Variants in TRERF1 observed in about 807,000 individuals in gnomAD.
The protein encoded by TRERF1 is transcriptional-regulating factor 1.
A neutral mutation model predicts 122.9 loss-of-function variants in TRERF1; 27 were observed. That is an observed-to-expected ratio of 0.22 (90% CI 0.16 to 0.30). The LOEUF is 0.30. Among genes scored for constraint, TRERF1 ranks in the 10% least tolerant of loss-of-function variants. TRERF1 has a pLI of 1.00. For missense variants in TRERF1, 1,248 were observed against 1,560.3 expected (o/e 0.80, Z 3.37); for synonymous variants, 636 against 641.7 (o/e 0.99, Z 0.13).
At chr6:42,289,065 T>C (rs1157634980) in intron 4 of TRERF1, among the ~76,000 whole-genome samples, 1 of 151,992 alleles carries the variant, frequency 6.6e-6, no homozygotes, top group East Asian at 1.9e-4. Context: ...GGCTCATGCC[T>C]GTAATCCCAG....
At chr6:42,313,339 G>A (rs1223038565) in intron 3 of TRERF1, among the ~76,000 whole-genome samples, 1 of 152,082 alleles carries the variant, frequency 6.6e-6, no homozygotes, top group Non-Finnish European at 1.5e-5. Context: ...AAAAAAGCAG[G>A]GCAGGAAGCA....
intron 3 of TRERF1, among the ~76,000 whole-genome samples, chr6:42,355,047 A>G (rs1183017392): frequency 6.6e-6 from 1 of 152,176 alleles, no homozygotes; most frequent in Non-Finnish European, 1.5e-5. Flanking sequence ...CAACTAAGCA[A>G]TCTGTAGTTA....
intron 13 of TRERF1, among the ~76,000 whole-genome samples, chr6:42,251,111 T>G (rs1357973574): frequency 1.3e-5 from 2 of 150,168 alleles, no homozygotes; most frequent in African/African-American, 4.9e-5. Flanking sequence ...ACTCTCTTGC[T>G]CATCCACCCA....
At chr6:42,256,602 C>A in intron 12 of TRERF1, 126 bp downstream of exon 12, 1 of 717,380 alleles carries the variant, frequency 1.4e-6, no homozygotes, top group Non-Finnish European at 2.4e-6. Flanking sequence ...AATAGGGAGG[C>A]GTGCTGATTG....
chr6:42,340,916 T>C (rs951701342), intron 3 of TRERF1, among the ~76,000 whole-genome samples: 2 of 152,226 alleles, frequency 1.3e-5, no homozygotes, highest in African/African-American at 4.8e-5. Flanking sequence ...TAAGGGGTGA[T>C]CTTCATGCCT....
At position 42,269,926 on chromosome 6, in the gene TRERF1, A is replaced by C; in HGVS notation, c.-258-78T>G. The C allele has an allele frequency of 3.8e-6, 1 of 265,096 alleles. No individual in the cohort carries two copies. The highest frequency in any genetic ancestry group is 6.9e-6 in the Non-Finnish European group (1 of 144,272). 16.4% of individuals were successfully genotyped at this position (265,096 alleles called of 1,614,324 possible). ...TGAGCAATTGATATCCACCATGACC[A>C]GTGATAAAAATAAACATATAATCCC... On this transcript the variant is annotated intron_variant, in intron 4 of 17. Coordinates refer to ENST00000372922, the Ensembl canonical transcript of TRERF1. This position sits in a 1 kb window ranked among gnomAD's most constrained non-coding sequence, Gnocchi z 4.9.
chr6:42,268,701 G>A lies in TRERF1; in HGVS notation c.890C>T (p.Pro297Leu), dbSNP rs1561871720. 2 of 1,614,148 alleles carry A rather than the reference G, an allele frequency of 1.2e-6. No individual in the cohort carries two copies. The highest frequency in any genetic ancestry group is 2.2e-5 in the East Asian group (1 of 44,880). The change falls in exon 5 of 18, where the codon CCA becomes CTA. Residue 297 changes from proline (P) to leucine (L), a missense_variant. By Grantham distance (98) the Pro-to-Leu change is moderately conservative. Transcript: ENST00000372922. The surrounding 1 kb of genome is among the most constrained non-coding windows in gnomAD (Gnocchi z 4.4). ...CTGTGGCGGCGGCTGTGGCTGTGATGGGCGAATTTGTTGCGGCTGCGTCTG... is the reference window on the plus strand; with the variant it reads ...CTGTGGCGGCGGCTGTGGCTGTGATAGGCGAATTTGTTGCGGCTGCGTCTG...
rs545162177 is a variant in TRERF1 at position 42,355,297 on chromosome 6, G to T, written c.-371+7700C>A. The stretch of plus-strand genomic sequence containing the variant: ...TTAAAAACTGATTGAATACACTTTT[G>T]GAATTAATGAGGTTATTACATATCT... On this transcript the variant is annotated intron_variant, in intron 3 of 17. Transcript: ENST00000372922. 2.0e-5 allele frequency among the ~76,000 whole-genome samples: 3 copies of T among 152,108 alleles called. No individual in the cohort carries two copies. In the South Asian group the frequency reaches 6.2e-4, roughly 32 times the overall value.
chr6:42,260,837 C>G (rs764054776), intron 8 of TRERF1, among the ~76,000 whole-genome samples: 2 of 152,160 alleles, frequency 1.3e-5, no homozygotes, highest in Non-Finnish European at 2.9e-5. Context: ...CTCCTCTGCT[C>G]TGGGCTCCTC....
chr6:42,292,033 C>T (rs573842465), intron 4 of TRERF1, among the ~76,000 whole-genome samples: 8 of 152,240 alleles, frequency 5.3e-5, no homozygotes, highest in African/African-American at 1.9e-4. Flanking sequence ...CGCTTTTGAG[C>T]CTCAATTTTG....
chr6:42,272,638 A>G (rs2149945291), intron 4 of TRERF1, among the ~76,000 whole-genome samples: 1 of 152,336 alleles, frequency 6.6e-6, no homozygotes, highest in East Asian at 1.9e-4. Flanking sequence ...CAGGTGAGGC[A>G]TAATTAAGAC....
intron 3 of TRERF1, among the ~76,000 whole-genome samples, chr6:42,302,288 C>T (rs1201501245): frequency 1.3e-5 from 2 of 151,520 alleles, no homozygotes; most frequent in African/African-American, 4.9e-5. Context: ...CAGCTAGCTC[C>T]AAAAAAAACC....
At chr6:42,283,692 C>T (rs1358688488) in intron 4 of TRERF1, among the ~76,000 whole-genome samples, 2 of 149,854 alleles carry the variant, frequency 1.3e-5, no homozygotes, top group Non-Finnish European at 3.0e-5. Flanking sequence ...TCTCGGCTCA[C>T]CACAACCTCC....
intron 13 of TRERF1, among the ~76,000 whole-genome samples, chr6:42,249,669 T>A (rs1775414454): frequency 6.6e-6 from 1 of 152,170 alleles, no homozygotes; most frequent in Non-Finnish European, 1.5e-5. Context: ...TCCCTGCCCC[T>A]CTATGTCACT....
chr6:42,235,917 A>G (rs1772055105), intron 16 of TRERF1, among the ~76,000 whole-genome samples: 1 of 152,200 alleles, frequency 6.6e-6, no homozygotes, highest in South Asian at 2.1e-4. Context: ...GAAATGTGGA[A>G]TGTATGTTTT....
chr6:42,257,379 C>T (rs538971173), intron 10 of TRERF1, among the ~76,000 whole-genome samples: 143 of 152,246 alleles, frequency 9.4e-4, no homozygotes, highest in South Asian at 2.7e-3. Flanking sequence ...TGATTATTTC[C>T]AACATAACAG....
chr6:42,376,435 G>A (rs1314335741), intron 2 of TRERF1, among the ~76,000 whole-genome samples: 6 of 152,010 alleles, frequency 3.9e-5, no homozygotes, highest in Admixed American at 3.9e-4. Context: ...AGAGGGAGAT[G>A]CACATGGAAG....
intron 15 of TRERF1, among the ~76,000 whole-genome samples, chr6:42,239,862 G>T (rs971445339): frequency 2.0e-5 from 3 of 148,524 alleles, no homozygotes; most frequent in Admixed American, 6.7e-5. Context: ...AGATTTTCTT[G>T]TTTTTTTTTT....
At chr6:42,327,278 T>A (rs1490380509) in intron 3 of TRERF1, among the ~76,000 whole-genome samples, 1 of 152,226 alleles carries the variant, frequency 6.6e-6, no homozygotes, top group Non-Finnish European at 1.5e-5. Context: ...GTTTCACCCA[T>A]ATATCTCACA....
Sources: gnomAD v4.1 joint callset for allele counts (sites outside exome capture counted in the v4.1 genomes callset) on GRCh38, gnomAD v4.1.1 for gene constraint, Gnocchi (gnomAD v3.1) non-coding constraint, MANE v1.5 for transcripts, NCBI Gene and HGNC (gene_info 2026-07-23, HGNC 2026-07-21) for gene names.